The following ABL1 variants were observed in gnomAD, a reference collection of about 807,000 sequenced individuals.
The protein encoded by ABL1 is ABL proto-oncogene 1, non-receptor tyrosine kinase, also known as tyrosine-protein kinase ABL1.
Under a neutral mutation model 94.7 loss-of-function variants are expected in ABL1, and 11 were observed. The observed-to-expected ratio is 0.12, with a 90% CI of 0.07 to 0.19. The LOEUF is 0.19. Ranked by LOEUF, ABL1 falls within the 10% of genes least tolerant of loss-of-function variation. ABL1 has a pLI of 1.00. For missense variants in ABL1, 1,082 were observed against 1,489.4 expected, an observed-to-expected ratio of 0.73 and a Z score of 4.50; for synonymous variants, 656 against 622.4, an observed-to-expected ratio of 1.05 and a Z score of -0.80.
rs1458597358 is a variant in ABL1 at position 130,872,912 on chromosome 9, C to T, written c.960C>T (p.Tyr320=). ...PFYIITEFMT[Y]GNLLDYLREC... ...ATATCATCACTGAGTTCATGACCTA[C>T]GGGAACCTCCTGGACTACCTGAGGG... is the stretch of plus-strand genomic sequence containing the variant. The change falls in exon 6 of 11, where the codon TAC becomes TAT. Residue 320 remains tyrosine (Y), a synonymous_variant. Transcript: ENST00000318560. This position sits in a 1 kb window ranked among gnomAD's most constrained non-coding sequence, Gnocchi z 5.0. The T allele has an allele frequency of 8.1e-6, 13 of 1,614,056 alleles. No individual in the cohort carries two copies. The highest frequency in any genetic ancestry group is 4.4e-5 in the South Asian group (4 of 91,080).
intron 1 of ABL1, among the ~76,000 whole-genome samples, chr9:130,807,851 C>A (rs2132844899): frequency 6.6e-6 from 1 of 151,312 alleles, no homozygotes; most frequent in South Asian, 2.1e-4. Flanking sequence ...GCACCCGCCA[C>A]CATGCCCGGC....
At chr9:130,748,952 A>T (rs1409108520) in intron 1 of ABL1, among the ~76,000 whole-genome samples, 30 of 152,130 alleles carry the variant, frequency 2.0e-4, no homozygotes, top group Admixed American at 2.0e-3. Context: ...TTTAAATGAA[A>T]AATTTGTTAT....
intron 1 of ABL1, among the ~76,000 whole-genome samples, chr9:130,848,942 G>GA (rs879454644): frequency 8.0e-4 from 112 of 139,780 alleles, no homozygotes; most frequent in East Asian, 3.9e-3. Flanking sequence ...TCCGTCTCGA[G>GA]AAAAAAAAAA....
chr9:130,799,647 G>A (rs988222763), intron 1 of ABL1, among the ~76,000 whole-genome samples: 2 of 152,182 alleles, frequency 1.3e-5, no homozygotes, highest in South Asian at 2.1e-4. Context: ...TTGAGGCATT[G>A]TAAGTACACA....
At chr9:130,848,457 G>C (rs1004418019) in intron 1 of ABL1, among the ~76,000 whole-genome samples, 2 of 148,468 alleles carry the variant, frequency 1.3e-5, no homozygotes, top group Non-Finnish European at 3.0e-5. Context: ...GCTGGAGGTT[G>C]CAGTGAGCCT....
At chr9:130,785,580 C>A (rs1269326242) in intron 1 of ABL1, among the ~76,000 whole-genome samples, 1 of 152,074 alleles carries the variant, frequency 6.6e-6, no homozygotes, top group Non-Finnish European at 1.5e-5. Flanking sequence ...ACACTTTGTT[C>A]ATTTGCTACT....
chr9:130,738,270 T>C (rs1053960335), intron 1 of ABL1, among the ~76,000 whole-genome samples: 2 of 143,298 alleles, frequency 1.4e-5, no homozygotes, highest in African/African-American at 5.7e-5. Flanking sequence ...TGTATTTTAA[T>C]TGTCTTTCCT....
At chr9:130,721,812 G>GTT (rs368491783) in intron 1 of ABL1, among the ~76,000 whole-genome samples, 156 of 133,212 alleles carry the variant, frequency 1.2e-3, no homozygotes, top group Admixed American at 6.4e-3. Context: ...AATTTGTCAG[G>GTT]TTTTTTTTTG....
intron 1 of ABL1, among the ~76,000 whole-genome samples, chr9:130,791,866 C>A (rs1191808239): frequency 1.3e-5 from 2 of 152,188 alleles, no homozygotes. Context: ...TGAGCCAGTT[C>A]TCCCAAATAA....
Position 130,732,615 on chromosome 9 carries a change from A to G in ABL1, c.136+18160A>G, listed in dbSNP as rs1831680684. 2.0e-5 allele frequency among the ~76,000 whole-genome samples: 3 copies of G among 152,100 alleles called. No homozygotes were observed. The South Asian group carries it at 6.2e-4, about 32-fold the overall frequency. On this transcript the variant is annotated intron_variant, in intron 1 of 10. Transcript: ENST00000372348. ...TTCTCCAGGTTTCTGGTGCTGCCATAATTTGTTCTATCCACTTGGGATACT... is the reference window on the plus strand; with the variant it reads ...TTCTCCAGGTTTCTGGTGCTGCCATGATTTGTTCTATCCACTTGGGATACT...
intron 1 of ABL1, among the ~76,000 whole-genome samples, chr9:130,770,953 A>T (rs2132766645): frequency 6.6e-6 from 1 of 152,344 alleles, no homozygotes; most frequent in Non-Finnish European, 1.5e-5. Flanking sequence ...GGAACAGATA[A>T]TATCTCAACT....
At position 130,886,738 on chromosome 9, in the gene ABL1, CT is replaced by C. The variant is rs1020452453; in HGVS notation, c.*1059del. 8 of 233,516 alleles carry C rather than the reference CT, an allele frequency of 3.4e-5. No individual in the cohort carries two copies. The highest frequency in any genetic ancestry group is 1.2e-3 in the Middle Eastern group (1 of 808). The allele number at this position is 233,516 out of a possible 1,614,324, so 14.5% of individuals were successfully genotyped here. ...TTCCTTTGGAACAAGACAGCCTTCA[CT>C]TTTCTGAGTTCTTGAAGCATTTCAA... On this transcript the variant is annotated 3_prime_UTR_variant, in exon 11 of 11. Transcript: ENST00000318560.
At chr9:130,723,744 G>A (rs1831543975) in intron 1 of ABL1, among the ~76,000 whole-genome samples, 1 of 152,020 alleles carries the variant, frequency 6.6e-6, no homozygotes, top group South Asian at 2.1e-4. Context: ...TTTCCTAATA[G>A]TTTTATGTGA....
intron 1 of ABL1, among the ~76,000 whole-genome samples, chr9:130,783,675 T>A (rs936375277): frequency 1.5e-4 from 23 of 152,136 alleles, no homozygotes; most frequent in African/African-American, 4.6e-4. Context: ...GTTTTTTTTG[T>A]GACAGAGTCT....
At chr9:130,879,052 T>C (rs1831404267) in intron 8 of ABL1, among the ~76,000 whole-genome samples, 2 of 152,108 alleles carry the variant, frequency 1.3e-5, no homozygotes, top group African/African-American at 2.4e-5. Flanking sequence ...TAATTTTGTA[T>C]TTTTAGTAGA....
chr9:130,764,366 C>T (rs35497326), intron 1 of ABL1, among the ~76,000 whole-genome samples: 4 of 152,202 alleles, frequency 2.6e-5, no homozygotes, highest in Non-Finnish European at 4.4e-5. Flanking sequence ...CTGGAGGGAA[C>T]TAGCTCTGGT....
intron 1 of ABL1, among the ~76,000 whole-genome samples, chr9:130,843,676 C>T (rs1830712832): frequency 1.3e-5 from 2 of 151,776 alleles, no homozygotes; most frequent in African/African-American, 2.4e-5. Flanking sequence ...GAGGAAGGAC[C>T]GGTTAGAGAA....
chr9:130,793,146 G>A (rs1023344673), intron 1 of ABL1, among the ~76,000 whole-genome samples: 7 of 152,056 alleles, frequency 4.6e-5, no homozygotes, highest in Non-Finnish European at 1.0e-4. Flanking sequence ...GACTGGTCAC[G>A]AACTCCTGAC....
At chr9:130,852,576 A>T (rs1298238321) in intron 1 of ABL1, among the ~76,000 whole-genome samples, 1 of 152,192 alleles carries the variant, frequency 6.6e-6, no homozygotes, top group African/African-American at 2.4e-5. Flanking sequence ...AATGTTCTTC[A>T]ACTGTAAGAT....
Sources: allele counts gnomAD v4.1 joint callset (sites outside exome capture counted in the v4.1 genomes callset), GRCh38; gene constraint gnomAD v4.1.1; non-coding constraint Gnocchi (gnomAD v3.1); transcripts MANE v1.5; gene names NCBI Gene and HGNC (gene_info 2026-07-23, HGNC 2026-07-21).